SIGLEC1: variants seen among roughly 807,000 people sequenced by gnomAD.
SIGLEC1 encodes sialic acid binding Ig like lectin 1, also known as sialoadhesin.
Under a neutral mutation model 148.0 loss-of-function variants are expected in SIGLEC1, and 132 were observed. That is an observed-to-expected ratio of 0.89 (90% CI 0.77 to 1.03). The LOEUF (loss-of-function observed/expected upper bound fraction) is 1.03, where lower values mean the gene tolerates loss of function less well. Among genes scored for constraint, SIGLEC1 ranks in the 50% least tolerant of loss-of-function variants. The pLI is 0.00. For synonymous variants in SIGLEC1, 945 were observed against 969.0 expected (o/e 0.98, Z 0.46); for missense variants, 2,253 against 2,271.4 (o/e 0.99, Z 0.16).
At chr20:3,700,183 T>C (rs2087839575) in intron 7 of SIGLEC1, among the ~76,000 whole-genome samples, 1 of 128,770 alleles carries the variant, frequency 7.8e-6, no homozygotes, top group Admixed American at 9.5e-5. Context: ...AGTGGCGCAA[T>C]CTCAGCTCGC....
rs199749371 is a variant in SIGLEC1, at chr20:3,697,138, A to T, written c.2327T>A (p.Ile776Asn). 1 of 1,613,468 alleles carries T rather than the reference A, an allele frequency of 6.2e-7. No individual in the cohort carries two copies. The highest frequency in any genetic ancestry group is 2.2e-5 in the East Asian group (1 of 44,890). Reference protein sequence around the residue: ...RTDAALYACRILTEAGAQLST... With the variant: ...RTDAALYACRNLTEAGAQLST... ...GAGCTGGGCACCAGCCTCAGTCAGG[A>T]TGCGGCAGGCGTAAAGGGCAGCATC... Residue 776 changes from isoleucine (I) to asparagine (N), a missense_variant, in exon 10 of 22, where the codon ATC becomes AAC. By Grantham distance (149) the Ile-to-Asn change is moderately radical (BLOSUM62 -3). Coordinates refer to ENST00000344754, the MANE Select transcript of SIGLEC1 (RefSeq NM_023068.4).
intron 21 of SIGLEC1, 120 bp downstream of exon 21, chr20:3,689,035 C>G (rs1265656750): frequency 8.0e-6 from 7 of 878,290 alleles, no homozygotes; most frequent in Non-Finnish European, 1.1e-5. Flanking sequence ...TCCCTGCACA[C>G]TCTCCCCAAC....
At chr20:3,691,641 C>T in intron 17 of SIGLEC1, 41 bp from the exon 18 acceptor site, 1 of 1,595,634 alleles carries the variant, frequency 6.3e-7, no homozygotes, top group Non-Finnish European at 8.5e-7. Flanking sequence ...GATCTGTAGG[C>T]CTTGGGGGCT....
intron 1 of SIGLEC1, among the ~76,000 whole-genome samples, chr20:3,711,776 A>G (rs573074375): frequency 2.7e-4 from 41 of 152,316 alleles, no homozygotes; most frequent in African/African-American, 8.2e-4. Context: ...CTGGCTCTAA[A>G]TGCTTCTGGC....
chr20:3,701,705 A>G (rs1267573614), intron 6 of SIGLEC1, 64 bp from the exon 7 acceptor site: 25 of 1,435,612 alleles, frequency 1.7e-5, no homozygotes, highest in Non-Finnish European at 2.3e-5. Flanking sequence ...ATACCCTGAT[A>G]CAACCCGTGA....
At chr20:3,702,520 G>A (rs531227081) in intron 6 of SIGLEC1, among the ~76,000 whole-genome samples, 146 of 152,036 alleles carry the variant, frequency 9.6e-4, no homozygotes, top group African/African-American at 2.8e-3. Flanking sequence ...CCCCAGAGGC[G>A]GACATTGCAG....
chr20:3,702,185 A>G (rs958306355), intron 6 of SIGLEC1, among the ~76,000 whole-genome samples: 2 of 152,230 alleles, frequency 1.3e-5, no homozygotes, highest in Non-Finnish European at 2.9e-5. Context: ...CAACGACCCA[A>G]TGCAATATGT....
chr20:3,705,155 C>G (rs1416915889), intron 4 of SIGLEC1, among the ~76,000 whole-genome samples: 1 of 152,192 alleles, frequency 6.6e-6, no homozygotes, highest in Non-Finnish European at 1.5e-5. Context: ...TGCCACCACA[C>G]CCGGCTAATT....
rs955416294 is a variant in SIGLEC1, at chr20:3,706,054, C to G, written c.410-14G>C. 35 of 1,606,334 alleles carry G rather than the reference C, an allele frequency of 2.2e-5. No individual in the cohort carries two copies. The Admixed American group carries it at 4.3e-4, about 20-fold the overall frequency. The stretch of plus-strand genomic sequence containing the variant: ...CCCTGGGCTCCTCTGAGGACAGAGA[C>G]AGCAGTGCTCAGGACCCGCTTTTGC... On this transcript the variant is annotated splice_polypyrimidine_tract_variant and intron_variant, in intron 3 of 21. Coordinates refer to ENST00000344754, the MANE Select transcript of SIGLEC1 (RefSeq NM_023068.4).
chr20:3,696,877 G>T lies in SIGLEC1; in HGVS notation c.2392C>A (p.Arg798Ser), dbSNP rs143567571. Reference sequence around the variant, plus strand: ...TCTAGGAGGGCTGACAGCTTTGGACGGTCCGGGGGATCTGCAGGAACAGAG... The same window carrying T: ...TCTAGGAGGGCTGACAGCTTTGGACTGTCCGGGGGATCTGCAGGAACAGAG... Reference protein sequence around the residue: ...VLLSVLYPPDRPKLSALLDMG... With the variant: ...VLLSVLYPPDSPKLSALLDMG... Residue 798 changes from arginine to serine, a missense_variant, in exon 11 of 22, where the codon CGT (arginine) becomes AGT (serine). Coordinates refer to ENST00000344754, the MANE Select transcript of SIGLEC1 (RefSeq NM_023068.4). 6.4e-7 allele frequency: 1 copy of T among 1,550,940 alleles called. No homozygotes were observed. Among genetic ancestry groups the T allele is most frequent in the Non-Finnish European group, 8.7e-7 (1 of 1,149,982 alleles).
rs1453637551 is a variant in SIGLEC1 at position 3,694,497 on chromosome 20, C to A, written c.2980G>T (p.Asp994Tyr). Residue 994 changes from aspartate (D) to tyrosine (Y), a missense_variant, in exon 13 of 22, where the codon GAC (aspartate) becomes TAC (tyrosine). Coordinates refer to ENST00000344754, the MANE Select transcript of SIGLEC1 (RefSeq NM_023068.4). Reference sequence around the variant, plus strand: ...AGGCCCAGTCGTCCAGGGCCTGTGTCCATCAGGGTAGTGAGTGTGACGTGG... The same window carrying A: ...AGGCCCAGTCGTCCAGGGCCTGTGTACATCAGGGTAGTGAGTGTGACGTGG... ...PRHVTLTTLMDTGPGRLGLLL... is the reference protein window; with the variant it reads ...PRHVTLTTLMYTGPGRLGLLL... 1 of 1,582,700 alleles carries A rather than the reference C, an allele frequency of 6.3e-7. No individual in the cohort carries two copies. The highest frequency in any genetic ancestry group is 8.6e-7 in the Non-Finnish European group (1 of 1,161,924).
chr20:3,703,457 A>G lies in SIGLEC1; in HGVS notation c.974-6T>C. The G allele has an allele frequency of 6.4e-7, 1 of 1,560,616 alleles. No individual in the cohort carries two copies. The highest frequency in any genetic ancestry group is 8.7e-7 in the Non-Finnish European group (1 of 1,150,992). ...GCTCACCTGGACCTCAGCCACTGCA[A>G]GGGCAGCATAGGGAGTGCTGGGGGG... On this transcript the variant is annotated splice_region_variant and splice_polypyrimidine_tract_variant and intron_variant, in intron 5 of 21. Coordinates refer to ENST00000344754, the MANE Select transcript of SIGLEC1 (RefSeq NM_023068.4).
Position 3,705,706 on chromosome 20 carries a change from T to G in SIGLEC1, c.706+38A>C, listed in dbSNP as rs199771564. On this transcript the variant is annotated intron_variant, in intron 4 of 21. Coordinates refer to ENST00000344754, the MANE Select transcript of SIGLEC1 (RefSeq NM_023068.4). Reference sequence around the variant, plus strand: ...GCTGGTTTCTGTCAGGAGCAACAGATGCGCTCAGCCACAAGGGTGTGTCCC... The same window carrying G: ...GCTGGTTTCTGTCAGGAGCAACAGAGGCGCTCAGCCACAAGGGTGTGTCCC... 3.2e-6 allele frequency: 5 copies of G among 1,562,628 alleles called. No homozygotes were observed. In the Admixed American group the frequency reaches 5.2e-5, roughly 16 times the overall value.
rs2088729701 is a variant in SIGLEC1, at chr20:3,689,209, C to CT, written c.5015dup (p.Gln1673AlafsTer21). The CT allele has an allele frequency of 2.5e-6, 4 of 1,614,076 alleles. No homozygotes were observed. The highest frequency in any genetic ancestry group is 1.1e-5 in the South Asian group (1 of 91,092). On this transcript the variant is annotated frameshift_variant, in exon 21 of 22. Transcript: ENST00000344754. LOFTEE classifies it high-confidence loss of function. ...CCACCGAATTCTCGCCCATGCTCTG[C>CT]TTACAAACACGCCTCCTTCTGCAAG...
In SIGLEC1 at chr20:3,693,666, C is replaced by T. The variant is rs760565977; in HGVS notation, c.3289G>A (p.Val1097Met). 5.7e-5 allele frequency: 92 copies of T among 1,602,096 alleles called. No individual in the cohort carries two copies. The highest frequency in any genetic ancestry group is 7.4e-5 in the Non-Finnish European group (87 of 1,173,944). The change falls in exon 14 of 22, where the codon GTG (valine) becomes ATG (methionine). Residue 1097 changes from valine (V) to methionine (M), a missense_variant. Physicochemically the swap from Val to Met is conservative, Grantham distance 21 (BLOSUM62 1). Transcript: ENST00000344754. ...VNVQVWPGAT[V>M]REGQLVNLTC... is the part of the protein sequence containing the mutation. The stretch of plus-strand genomic sequence containing the variant: ...AGGTTCACCAGCTGCCCCTCCCGCA[C>T]GGTAGCCCCGGGCCACACCTGCACA...
Position 3,699,400 on chromosome 20 carries a change from T to C in SIGLEC1, c.1588A>G (p.Ser530Gly). ...GTGGGGCTTAGGCCGCTTCTGCAGC[T>C]CAGTGTCACTGCCTGTCCTTCCACC... is the stretch of plus-strand genomic sequence containing the variant. ...EVVEGQAVTL[S>G]CRSGLSPTPD... is the part of the protein sequence containing the mutation. Residue 530 changes from serine to glycine, a missense_variant, in exon 8 of 22, where the codon AGC becomes GGC. Transcript: ENST00000344754. The C allele has an allele frequency of 6.2e-7, 1 of 1,609,740 alleles. No individual in the cohort carries two copies. Among genetic ancestry groups the C allele is most frequent in the Non-Finnish European group, 8.5e-7 (1 of 1,178,754 alleles).
intron 1 of SIGLEC1, among the ~76,000 whole-genome samples, chr20:3,707,870 C>T (rs1243184092): frequency 6.6e-6 from 1 of 152,276 alleles, no homozygotes; most frequent in Non-Finnish European, 1.5e-5. Flanking sequence ...TAATCTTTGC[C>T]TGCTGAAACC....
In SIGLEC1 at chr20:3,704,080, C is replaced by G; in HGVS notation, c.718G>C (p.Gly240Arg). 1 of 1,612,356 alleles carries G rather than the reference C, an allele frequency of 6.2e-7. No individual in the cohort carries two copies. Among genetic ancestry groups the G allele is most frequent in the South Asian group, 1.1e-5 (1 of 90,996 alleles). ...IHLQVKYAPK[G>R]VKILLSPSGR... ...GAGGGGCTGAGGAGGATCTTCACAC[C>G]CTTGGGGGCATCTGCAAGTCACAGT... The change falls in exon 5 of 22, where the codon GGT (glycine) becomes CGT (arginine). Residue 240 changes from glycine to arginine, a missense_variant. Gly to Arg is a moderately radical substitution (Grantham distance 125, BLOSUM62 -2). Coordinates refer to ENST00000344754, the MANE Select transcript of SIGLEC1 (RefSeq NM_023068.4).
At chr20:3,691,628 G>C (rs769614196) in intron 17 of SIGLEC1, 28 bp from the exon 18 acceptor site, 1 of 1,604,038 alleles carries the variant, frequency 6.2e-7, no homozygotes, top group African/African-American at 1.3e-5. Flanking sequence ...AGAGATGATT[G>C]GGGATCTGTA....
Sources: allele counts gnomAD v4.1 joint callset (sites outside exome capture counted in the v4.1 genomes callset), GRCh38; gene constraint gnomAD v4.1.1; transcripts MANE v1.5; gene names NCBI Gene and HGNC (gene_info 2026-07-23, HGNC 2026-07-21).